The following ATXN3 variants were observed in gnomAD, a reference collection of about 807,000 sequenced individuals.
ATXN3 encodes the protein ataxin-3.
ATXN3 carries 28 observed loss-of-function variants against 58.2 expected under a neutral mutation model. That is an observed-to-expected ratio of 0.48 (90% CI 0.36 to 0.66). The LOEUF is 0.66. Ranked by LOEUF, ATXN3 falls within the 30% of genes least tolerant of loss-of-function variation. The pLI, the probability that ATXN3 is intolerant of heterozygous loss-of-function variation, is 0.00. For missense variants in ATXN3, 321 were observed against 422.1 expected (o/e 0.76, Z 2.10); for synonymous variants, 113 against 138.5 (o/e 0.82, Z 1.29).
Position 92,097,125 on chromosome 14 carries a change from G to A in ATXN3, c.25-287C>T, listed in dbSNP as rs548295561. 1.6e-4 allele frequency among the ~76,000 whole-genome samples: 25 copies of A among 152,036 alleles called. 1 individual carries two copies. The East Asian group carries it at 2.3e-3, about 14-fold the overall frequency. ...GGTTTCATCCTGTGTTAGCCAGGAT[G>A]GTCTTGATCTCCTGACCTCGTGATC... is the stretch of plus-strand genomic sequence containing the variant. On this transcript the variant is annotated intron_variant, in intron 1 of 10. Transcript: ENST00000644486.
intron 1 of ATXN3, among the ~76,000 whole-genome samples, chr14:92,049,260 G>A (rs985754890): frequency 3.3e-5 from 5 of 152,258 alleles, no homozygotes; most frequent in East Asian, 3.9e-4. Flanking sequence ...GTAGAGACAC[G>A]GAGAAGGGGG....
intron 9 of ATXN3, among the ~76,000 whole-genome samples, chr14:92,077,978 C>CT (rs112851203): frequency 0.15 from 20,607 of 140,198 alleles, 1,676 homozygotes; most frequent in African/African-American, 0.24. Flanking sequence ...TTTCTTTTCT[C>CT]TTTTTTTTTT....
Position 92,096,854 on chromosome 14 carries a change from G to GA in ATXN3, c.25-17dup. On this transcript the variant is annotated splice_polypyrimidine_tract_variant and intron_variant, in intron 1 of 10. Transcript: ENST00000644486. ...AGCCTTCTTGCTAATATTTCCAAAAGAAAAAATTAAAATGTGACTTGTTAA... is the reference window on the plus strand; with the variant it reads ...AGCCTTCTTGCTAATATTTCCAAAAGAAAAAAATTAAAATGTGACTTGTTAA... The GA allele has an allele frequency of 6.2e-7, 1 of 1,601,586 alleles. No individual in the cohort carries two copies. Among genetic ancestry groups the GA allele is most frequent in the Non-Finnish European group, 8.5e-7 (1 of 1,172,148 alleles).
At chr14:92,081,084 C>A in intron 8 of ATXN3, 23 bp from the exon 9 acceptor site, 2 of 1,463,554 alleles carry the variant, frequency 1.4e-6, no homozygotes, top group Non-Finnish European at 1.9e-6. Flanking sequence ...CACAACACAA[C>A]AAAAACCAAT....
rs1446522105 is a variant in ATXN3, at chr14:92,097,047, A to ACAGG, written c.25-213_25-210dup. 2.0e-5 allele frequency: 9 copies of ACAGG among 461,190 alleles called. No homozygotes were observed. The Admixed American group carries it at 3.1e-4, about 16-fold the overall frequency. 28.6% of individuals were successfully genotyped at this position (461,190 alleles called of 1,614,324 possible). On this transcript the variant is annotated intron_variant, in intron 1 of 10. Coordinates refer to ENST00000644486, the MANE Select transcript of ATXN3 (RefSeq NM_004993.6). ...CTCAGCCTCCCGAGTAGCTGGTACTACAGGCACCCGCCACCACGCCCGGCT... is the reference window on the plus strand; with the variant it reads ...CTCAGCCTCCCGAGTAGCTGGTACTACAGGCAGGCACCCGCCACCACGCCCGGCT...
chr14:92,066,311 T>C (rs1378137052), intron 10 of ATXN3, among the ~76,000 whole-genome samples: 2 of 152,192 alleles, frequency 1.3e-5, no homozygotes, highest in African/African-American at 2.4e-5. Context: ...CCAATATATA[T>C]ACTGAAAACC....
intron 9 of ATXN3, among the ~76,000 whole-genome samples, chr14:92,079,740 T>C (rs2061100414): frequency 6.6e-6 from 1 of 152,224 alleles, no homozygotes; most frequent in South Asian, 2.1e-4. Flanking sequence ...TGAAGTTTTC[T>C]TTCTCTTTTT....
chr14:92,093,132 G>A (rs1317823842), intron 5 of ATXN3, 120 bp downstream of exon 5: 2 of 541,850 alleles, frequency 3.7e-6, no homozygotes, highest in Non-Finnish European at 3.2e-6. Flanking sequence ...CTGGCTTCAA[G>A]TGATCCCCCC....
At chr14:92,102,522 G>A (rs1346132005) in intron 1 of ATXN3, among the ~76,000 whole-genome samples, 3 of 152,120 alleles carry the variant, frequency 2.0e-5, no homozygotes, top group African/African-American at 7.2e-5. Context: ...CACAAATCAG[G>A]TATAAACCTA....
At chr14:92,104,394 C>A (rs1566995671) in intron 1 of ATXN3, among the ~76,000 whole-genome samples, 1 of 152,080 alleles carries the variant, frequency 6.6e-6, no homozygotes, top group Non-Finnish European at 1.5e-5. Context: ...CCCGTCTGGG[C>A]CTCCCAAAGC....
intron 2 of ATXN3, 21 bp from the exon 3 acceptor site, chr14:92,096,158 T>C: frequency 6.2e-7 from 1 of 1,601,660 alleles, no homozygotes; most frequent in Non-Finnish European, 8.5e-7. Context: ...TGACAGGTAG[T>C]TGAAGCAAGG....
At chr14:92,099,247 A>G (rs1396157248) in intron 1 of ATXN3, among the ~76,000 whole-genome samples, 2 of 152,220 alleles carry the variant, frequency 1.3e-5, no homozygotes, top group Non-Finnish European at 2.9e-5. Flanking sequence ...AAAGAGAACC[A>G]CCTTGCAAGA....
chr14:92,058,006 G>T (rs1053930772), downstream of ATXN3, among the ~76,000 whole-genome samples: 1 of 152,076 alleles, frequency 6.6e-6, no homozygotes, highest in Non-Finnish European at 1.5e-5. Flanking sequence ...CACTGGCACT[G>T]GGCCAGTTGA....
intron 9 of ATXN3, chr14:92,071,283 T>A: frequency 1.3e-6 from 1 of 762,836 alleles, no homozygotes; most frequent in Non-Finnish European, 2.2e-6. Flanking sequence ...AATTAAGAGG[T>A]AGGTATTTTC....
intron 1 of ATXN3, among the ~76,000 whole-genome samples, chr14:92,098,509 C>A (rs1423902398): frequency 6.6e-6 from 1 of 152,098 alleles, no homozygotes; most frequent in East Asian, 1.9e-4. Context: ...ATCGCTTGAA[C>A]CCAGGAAGTA....
At chr14:92,066,422 GTTCT>G (rs1377976211) in intron 10 of ATXN3, among the ~76,000 whole-genome samples, 2 of 151,422 alleles carry the variant, frequency 1.3e-5, no homozygotes, top group African/African-American at 4.9e-5. Context: ...TCTTTTTATT[GTTCT>G]TTCTTCCTTC....
intron 9 of ATXN3, among the ~76,000 whole-genome samples, chr14:92,072,694 TAAAAAAAAAAAAAAA>T (rs33967699): frequency 1.1e-5 from 1 of 90,992 alleles, no homozygotes; most frequent in Non-Finnish European, 2.1e-5. Flanking sequence ...AGCTATAGGT[TAAAAAAAAAAAAAAA>T]AAAAAAAAAG....
intron 6 of ATXN3, among the ~76,000 whole-genome samples, chr14:92,087,971 C>T (rs553772232): frequency 2.6e-4 from 39 of 151,492 alleles, no homozygotes; most frequent in African/African-American, 1.5e-4. Context: ...AAAAAGACAA[C>T]GAGTCAGATC....
At chr14:92,056,688 A>G (rs1458368648), downstream of ATXN3, among the ~76,000 whole-genome samples, 1 of 151,998 alleles carries the variant, frequency 6.6e-6, no homozygotes, top group East Asian at 1.9e-4. Flanking sequence ...GAATATCATC[A>G]CCCCTATTCA....
Sources: allele counts gnomAD v4.1 joint callset (sites outside exome capture counted in the v4.1 genomes callset), GRCh38; gene constraint gnomAD v4.1.1; transcripts MANE v1.5; gene names NCBI Gene and HGNC (gene_info 2026-07-23, HGNC 2026-07-21).